The following KAT2B variants were observed in gnomAD, a reference collection of about 807,000 sequenced individuals.
KAT2B encodes the protein histone acetyltransferase KAT2B.
Under a neutral mutation model 105.9 loss-of-function variants are expected in KAT2B, and 36 were observed. The observed-to-expected ratio is 0.34, with a 90% confidence interval of 0.26 to 0.45. KAT2B has a LOEUF of 0.45. Among genes scored for constraint, KAT2B ranks in the 20% least tolerant of loss-of-function variants. KAT2B has a pLI of 1.00. For missense variants in KAT2B, 820 were observed against 1,021.6 expected, an observed-to-expected ratio of 0.80 and a Z score of 2.69; for synonymous variants, 397 against 377.9, an observed-to-expected ratio of 1.05 and a Z score of -0.59.
At chr3:20,141,739 A>T (rs17006645) in intron 13 of KAT2B, among the ~76,000 whole-genome samples, 1 of 151,358 alleles carries the variant, frequency 6.6e-6, no homozygotes, top group Non-Finnish European at 1.5e-5. Context: ...CTTTTACTTA[A>T]AGTGGCTCAG....
rs576785896 is a variant in KAT2B at position 20,145,641 on chromosome 3, C to G, written c.2005-675C>G. On this transcript the variant is annotated intron_variant, in intron 13 of 17. Transcript: ENST00000263754. ...CCTCAGCATATTAATAATTATTTTA[C>G]AAAACAAACAAAACATCTCTCAAAA... is the stretch of plus-strand genomic sequence containing the variant. Among the ~76,000 whole-genome samples, 18 of 133,372 alleles carry G rather than the reference C, an allele frequency of 1.3e-4. No homozygotes were observed. The East Asian group carries it at 4.4e-3, about 32-fold the overall frequency. 87.5% of individuals were successfully genotyped at this position (133,372 alleles called of 152,430 possible). A position where few individuals can be genotyped will look rare whatever the true frequency, so the allele number is the denominator to read the frequency against.
chr3:20,101,467 A>G lies in KAT2B; in HGVS notation c.850A>G (p.Arg284Gly). 1 of 1,613,002 alleles carries G rather than the reference A, an allele frequency of 6.2e-7. No homozygotes were observed. Among genetic ancestry groups the G allele is most frequent in the Non-Finnish European group, 8.5e-7 (1 of 1,179,104 alleles). The change falls in exon 5 of 18, where the codon AGG becomes GGG. Residue 284 changes from arginine (R) to glycine (G), a missense_variant and splice_region_variant. By Grantham distance (125) the Arg-to-Gly change is moderately radical (BLOSUM62 -2). Transcript: ENST00000263754. ...TTCTGGATACAAAGAGAACTACACAAGGTAATCAGATGCAAGTTCTTTTCC... is the reference window on the plus strand; with the variant it reads ...TTCTGGATACAAAGAGAACTACACAGGGTAATCAGATGCAAGTTCTTTTCC... ...DISGYKENYT[R>G]WLCYCNVPQF...
intron 17 of KAT2B, chr3:20,148,775 T>C (rs568838732): frequency 3.2e-6 from 1 of 309,976 alleles, no homozygotes; most frequent in South Asian, 9.6e-5. Flanking sequence ...GCTGGCACTT[T>C]AGATATAACT....
At chr3:20,125,037 C>A (rs1010321705) in intron 9 of KAT2B, among the ~76,000 whole-genome samples, 2 of 152,164 alleles carry the variant, frequency 1.3e-5, no homozygotes, top group African/African-American at 2.4e-5. Flanking sequence ...AGAATATATA[C>A]ATGAGGCCGG....
At chr3:20,145,554 GT>G (rs550166293) in intron 13 of KAT2B, among the ~76,000 whole-genome samples, 2,294 of 92,164 alleles carry the variant, frequency 0.025, 27 homozygotes, top group African/African-American at 0.085. Context: ...GATTTTTTTA[GT>G]TTTTTTTTTT....
chr3:20,140,461 T>C, intron 13 of KAT2B, 97 bp downstream of exon 13: 1 of 1,230,378 alleles, frequency 8.1e-7, no homozygotes, highest in Non-Finnish European at 1.2e-6. Context: ...GTTTACTGGA[T>C]AGCAAACTCT....
rs5847040 is a variant in KAT2B, at chr3:20,043,728, T to TA, written c.303+2962dup. Among the ~76,000 whole-genome samples, 48 of 127,456 alleles carry TA rather than the reference T, an allele frequency of 3.8e-4. 1 individual carries two copies. Among genetic ancestry groups the TA allele is most frequent in the South Asian group, 1.4e-3 (6 of 4,294 alleles). The allele number at this position is 127,456 out of a possible 152,430, so 83.6% of individuals were successfully genotyped here. A position where few individuals can be genotyped will look rare whatever the true frequency, so the allele number is the denominator to read the frequency against. On this transcript the variant is annotated intron_variant, in intron 1 of 17. Transcript: ENST00000263754. ...GACATTATCTCAGATTTGCTTTTTT[T>TA]AAAAAAAAAAAAAATTTAACTGGAC...
intron 1 of KAT2B, 91 bp downstream of exon 1, chr3:20,040,871 CGCCTCCT>C (rs1460048652): frequency 7.2e-6 from 10 of 1,380,536 alleles, no homozygotes; most frequent in East Asian, 2.9e-5. Flanking sequence ...CTCCGCCTCC[CGCCTCCT>C]GCCTCTCGCC....
At chr3:20,054,065 T>C (rs1697962564) in intron 1 of KAT2B, among the ~76,000 whole-genome samples, 1 of 152,198 alleles carries the variant, frequency 6.6e-6, no homozygotes, top group South Asian at 2.1e-4. Context: ...CCCAAAGTGC[T>C]GGGATTACAG....
chr3:20,101,479 G>A lies in KAT2B; in HGVS notation c.851+11G>A. 17 of 1,611,418 alleles carry A rather than the reference G, an allele frequency of 1.1e-5. No individual in the cohort carries two copies. The highest frequency in any genetic ancestry group is 1.4e-5 in the Non-Finnish European group (17 of 1,177,866). ...AGAGAACTACACAAGGTAATCAGATGCAAGTTCTTTTCCTTTGGCCCCATA... is the reference window on the plus strand; with the variant it reads ...AGAGAACTACACAAGGTAATCAGATACAAGTTCTTTTCCTTTGGCCCCATA... On this transcript the variant is annotated intron_variant, in intron 5 of 17. Transcript: ENST00000263754.
intron 1 of KAT2B, among the ~76,000 whole-genome samples, chr3:20,060,093 G>A (rs550309746): frequency 4.1e-4 from 63 of 152,294 alleles, no homozygotes; most frequent in African/African-American, 1.5e-3. Context: ...GTAATAATCC[G>A]TTATATGACT....
In KAT2B at chr3:20,122,724, G is replaced by T; in HGVS notation, c.1333G>T (p.Val445Phe). The T allele has an allele frequency of 6.2e-7, 1 of 1,614,036 alleles. No individual in the cohort carries two copies. The highest frequency in any genetic ancestry group is 8.5e-7 in the Non-Finnish European group (1 of 1,179,918). The part of the protein sequence containing the change: ...HVLEEAKKPR[V>F]MGDIPMELIN... ...TCTGGAGGAGGCCAAGAAACCCCGA[G>T]TTATGGGGGATATTCCGATGGAATT... is the stretch of plus-strand genomic sequence containing the variant. The change falls in exon 9 of 18, where the codon GTT (valine) becomes TTT (phenylalanine). Residue 445 changes from valine (V) to phenylalanine (F), a missense_variant. Val to Phe is a conservative substitution (Grantham distance 50). Coordinates refer to ENST00000263754, the MANE Select transcript of KAT2B (RefSeq NM_003884.5).
intron 5 of KAT2B, among the ~76,000 whole-genome samples, chr3:20,104,162 A>T (rs1370695932): frequency 6.6e-6 from 1 of 152,228 alleles, no homozygotes; most frequent in African/African-American, 2.4e-5. Context: ...ACAGCAAAAG[A>T]GTCCTTTATA....
chr3:20,114,130 A>G (rs188934957), intron 6 of KAT2B, among the ~76,000 whole-genome samples: 1 of 152,058 alleles, frequency 6.6e-6, no homozygotes, highest in Admixed American at 6.6e-5. Context: ...CCCTATTCTG[A>G]TAAGCATCTG....
intron 2 of KAT2B, among the ~76,000 whole-genome samples, chr3:20,083,091 A>G (rs1053942394): frequency 6.6e-5 from 10 of 152,214 alleles, no homozygotes; most frequent in African/African-American, 2.2e-4. Flanking sequence ...GTCTCTCACT[A>G]CTGATACAGT....
chr3:20,134,944 G>A (rs890699380), intron 11 of KAT2B, among the ~76,000 whole-genome samples: 5 of 152,038 alleles, frequency 3.3e-5, no homozygotes, highest in Non-Finnish European at 5.9e-5. Context: ...TTAGTAATGA[G>A]AATTTTTTTC....
At chr3:20,092,844 G>A (rs968938245) in intron 2 of KAT2B, among the ~76,000 whole-genome samples, 1 of 152,004 alleles carries the variant, frequency 6.6e-6, no homozygotes. Context: ...TAGAACTACA[G>A]GCACGCACCA....
At chr3:20,110,123 G>T (rs1468753577) in intron 5 of KAT2B, among the ~76,000 whole-genome samples, 4 of 152,118 alleles carry the variant, frequency 2.6e-5, no homozygotes, top group Non-Finnish European at 4.4e-5. Context: ...TTTTGTAGCA[G>T]CTTGGGCGCA....
intron 1 of KAT2B, among the ~76,000 whole-genome samples, chr3:20,054,074 A>C (rs1697962681): frequency 6.6e-6 from 1 of 151,704 alleles, no homozygotes; most frequent in Non-Finnish European, 1.5e-5. Context: ...CTGGGATTAC[A>C]GGCATGAGCC....
Sources: allele counts gnomAD v4.1 joint callset (sites outside exome capture counted in the v4.1 genomes callset), GRCh38; gene constraint gnomAD v4.1.1; transcripts MANE v1.5; gene names NCBI Gene and HGNC (gene_info 2026-07-23, HGNC 2026-07-21).